Variants in SGCZ observed in about 807,000 individuals in gnomAD.
The protein encoded by SGCZ is sarcoglycan zeta, also known as zeta-sarcoglycan.
SGCZ carries 40 observed loss-of-function variants against 41.3 expected under a neutral mutation model. The ratio of observed to expected loss-of-function variants is 0.97; its 90% CI spans 0.75 to 1.26. The LOEUF (loss-of-function observed/expected upper bound fraction) is 1.26, where lower values mean the gene tolerates loss of function less well. Among genes scored for constraint, SGCZ ranks in the 50% most tolerant of loss-of-function variants. SGCZ has a pLI of 0.00. For missense variants in SGCZ, 552 were observed against 369.8 expected, an observed-to-expected ratio of 1.49 and a Z score of -4.04; for synonymous variants, 206 against 137.5, an observed-to-expected ratio of 1.50 and a Z score of -3.49.
chr8:14,391,531 AG>A (rs1399399602), intron 2 of SGCZ, among the ~76,000 whole-genome samples: 2 of 152,120 alleles, frequency 1.3e-5, no homozygotes, highest in Non-Finnish European at 2.9e-5. Context: ...TACTATGTTC[AG>A]GGGCAGAAGT....
intron 1 of SGCZ, among the ~76,000 whole-genome samples, chr8:15,183,212 T>C (rs1800230231): frequency 6.6e-6 from 1 of 152,210 alleles, no homozygotes; most frequent in South Asian, 2.1e-4. Flanking sequence ...AATAGTATAG[T>C]AAATACATAA....
At chr8:14,462,170 T>C (rs947164748) in intron 2 of SGCZ, among the ~76,000 whole-genome samples, 2 of 151,976 alleles carry the variant, frequency 1.3e-5, no homozygotes, top group African/African-American at 2.4e-5. Context: ...CTCTATCCAA[T>C]TGGAATAATA....
At chr8:14,144,480 G>A (rs927952702) in intron 5 of SGCZ, among the ~76,000 whole-genome samples, 3 of 152,200 alleles carry the variant, frequency 2.0e-5, no homozygotes, top group Non-Finnish European at 4.4e-5. Context: ...GCAATACCCA[G>A]GAACTATGTT....
intron 3 of SGCZ, among the ~76,000 whole-genome samples, chr8:14,265,569 A>G (rs1248749199): frequency 2.0e-5 from 3 of 152,078 alleles, no homozygotes; most frequent in Admixed American, 6.6e-5. Context: ...TTTATATTTT[A>G]TTTTCATATC....
intron 1 of SGCZ, among the ~76,000 whole-genome samples, chr8:14,594,078 C>T (rs985068583): frequency 1.3e-5 from 2 of 151,610 alleles, no homozygotes; most frequent in African/African-American, 4.8e-5. Flanking sequence ...AGGAGGCTGA[C>T]GTGGGAGAAT....
chr8:14,465,894 A>C (rs1483311961), intron 2 of SGCZ, among the ~76,000 whole-genome samples: 1 of 151,928 alleles, frequency 6.6e-6, no homozygotes, highest in Non-Finnish European at 1.5e-5. Flanking sequence ...GGAAAACAAA[A>C]TGTAAGTTAC....
chr8:14,144,685 C>A (rs887681219), intron 5 of SGCZ, among the ~76,000 whole-genome samples: 23 of 151,428 alleles, frequency 1.5e-4, no homozygotes, highest in Non-Finnish European at 2.9e-5. Flanking sequence ...TCCTGGAGTC[C>A]CCAGCTCCAG....
intron 1 of SGCZ, among the ~76,000 whole-genome samples, chr8:15,070,784 G>A (rs545820446): frequency 9.9e-5 from 15 of 152,274 alleles, no homozygotes; most frequent in African/African-American, 3.1e-4. Context: ...TTGAATGAGT[G>A]TATTAGCTTC....
intron 3 of SGCZ, chr8:14,309,751 A>C: frequency 6.3e-7 from 1 of 1,581,240 alleles, no homozygotes; most frequent in Non-Finnish European, 8.6e-7. Context: ...AAGCCTCTTC[A>C]AAAAGCAGAG....
intron 2 of SGCZ, among the ~76,000 whole-genome samples, chr8:14,324,630 C>A (rs961122990): frequency 2.0e-5 from 3 of 152,002 alleles, no homozygotes; most frequent in Non-Finnish European, 4.4e-5. Context: ...CACATTGATA[C>A]AATAATTTTA....
intron 2 of SGCZ, among the ~76,000 whole-genome samples, chr8:14,403,036 C>T (rs1400424567): frequency 2.0e-5 from 3 of 149,670 alleles, no homozygotes; most frequent in Non-Finnish European, 4.4e-5. Flanking sequence ...TAGGTATTTT[C>T]TTCTCTTTGA....
chr8:15,168,434 C>T (rs975637199), intron 1 of SGCZ, among the ~76,000 whole-genome samples: 5 of 152,152 alleles, frequency 3.3e-5, no homozygotes, highest in South Asian at 2.1e-4. Context: ...ATTCCCTATT[C>T]GAGCAGAGAA....
chr8:14,533,016 T>A (rs1803182014), intron 2 of SGCZ, among the ~76,000 whole-genome samples: 1 of 152,024 alleles, frequency 6.6e-6, no homozygotes, highest in Non-Finnish European at 1.5e-5. Flanking sequence ...TTATTATACT[T>A]TAAGTTCTAG....
chr8:14,904,485 C>T (rs1270999143), intron 1 of SGCZ, among the ~76,000 whole-genome samples: 2 of 151,888 alleles, frequency 1.3e-5, no homozygotes, highest in African/African-American at 2.4e-5. Flanking sequence ...CTAGAATATA[C>T]GAACTTATTT....
rs17120464 is a variant in SGCZ at position 14,882,393 on chromosome 8, G to T, written c.40-327467C>A. Among the ~76,000 whole-genome samples, 1,330 of 152,234 alleles carry T rather than the reference G, an allele frequency of 8.7e-3. 13 individuals carry two copies. Among genetic ancestry groups the T allele is most frequent in the African/African-American group, 0.03 (1,246 of 41,524 alleles). On this transcript the variant is annotated intron_variant, in intron 1 of 7. Transcript: ENST00000382080. ...TCTCCCTATTTTATTTTCACAACAT[G>T]CCTATCAGATTTATCGATGATGAGA... is the stretch of plus-strand genomic sequence containing the variant.
chr8:14,609,579 T>C (rs1336729536), intron 1 of SGCZ, among the ~76,000 whole-genome samples: 2 of 152,172 alleles, frequency 1.3e-5, no homozygotes, highest in African/African-American at 4.8e-5. Flanking sequence ...TTCAGACACA[T>C]GATAAAAATG....
At chr8:14,799,771 C>G (rs1183606710) in intron 1 of SGCZ, among the ~76,000 whole-genome samples, 8 of 152,090 alleles carry the variant, frequency 5.3e-5, no homozygotes, top group African/African-American at 1.9e-4. Context: ...AAACCTCATG[C>G]CCCTTTGCCT....
At chr8:14,566,439 C>A (rs1295942996) in intron 1 of SGCZ, among the ~76,000 whole-genome samples, 1 of 152,132 alleles carries the variant, frequency 6.6e-6, no homozygotes. Context: ...GAGGCCAGAC[C>A]CTGATTCTCT....
intron 2 of SGCZ, among the ~76,000 whole-genome samples, chr8:14,343,479 G>T (rs768572922): frequency 2.0e-4 from 30 of 152,158 alleles, no homozygotes; most frequent in Non-Finnish European, 4.1e-4. Context: ...TTATAACTTG[G>T]ACTCTACGTA....
Sources: allele counts gnomAD v4.1 joint callset (sites outside exome capture counted in the v4.1 genomes callset), GRCh38; gene constraint gnomAD v4.1.1; transcripts MANE v1.5; gene names NCBI Gene and HGNC (gene_info 2026-07-23, HGNC 2026-07-21).